ADGRF5: variants seen among roughly 807,000 people sequenced by gnomAD.
The protein encoded by ADGRF5 is adhesion G protein-coupled receptor F5.
In ADGRF5, 75 loss-of-function variants were observed where a neutral mutation model predicts 132.3. That is an observed-to-expected ratio of 0.57 (90% CI 0.47 to 0.69). ADGRF5 has a LOEUF of 0.69. Ranked by LOEUF, ADGRF5 falls within the 30% of genes least tolerant of loss-of-function variation. The pLI, the probability that ADGRF5 is intolerant of heterozygous loss-of-function variation, is 0.00. For missense variants in ADGRF5, 1,516 were observed against 1,630.6 expected, an observed-to-expected ratio of 0.93 and a Z score of 1.21; for synonymous variants, 629 against 597.6, an observed-to-expected ratio of 1.05 and a Z score of -0.77.
chr6:46,936,806 C>T (rs1272421104), intron 1 of ADGRF5, among the ~76,000 whole-genome samples: 1 of 152,152 alleles, frequency 6.6e-6, no homozygotes, highest in Non-Finnish European at 1.5e-5. Flanking sequence ...AGTGGGAGAT[C>T]CCAGCGGGAG....
intron 1 of ADGRF5, among the ~76,000 whole-genome samples, chr6:46,913,059 G>C (rs1581982877): frequency 6.6e-6 from 1 of 151,960 alleles, no homozygotes; most frequent in Non-Finnish European, 1.5e-5. Flanking sequence ...CTTTACCTAC[G>C]ACTGTCTTGA....
At chr6:46,869,287 G>A in intron 11 of ADGRF5, 195 bp from the exon 12 acceptor site, 1 of 1,427,696 alleles carries the variant, frequency 7.0e-7, no homozygotes, top group Non-Finnish European at 9.1e-7. Context: ...GGCTGTTCCT[G>A]GTGGTGCTCT....
intron 10 of ADGRF5, among the ~76,000 whole-genome samples, chr6:46,876,098 A>T (rs1771617430): frequency 6.6e-6 from 1 of 152,182 alleles, no homozygotes; most frequent in African/African-American, 2.4e-5. Flanking sequence ...ACAGACTTGG[A>T]AAAATGGTTG....
At chr6:46,929,115 G>A (rs1305427740) in intron 1 of ADGRF5, among the ~76,000 whole-genome samples, 6 of 152,040 alleles carry the variant, frequency 3.9e-5, no homozygotes, top group African/African-American at 1.4e-4. Context: ...ATGATAGACT[G>A]GATTAAGAAA....
At chr6:46,868,372 T>C (rs1424542787) in intron 12 of ADGRF5, among the ~76,000 whole-genome samples, 1 of 152,250 alleles carries the variant, frequency 6.6e-6, no homozygotes, top group Non-Finnish European at 1.5e-5. Flanking sequence ...ATCACATAGT[T>C]AAGGGCTCAA....
chr6:46,891,546 T>TGG (rs1235705863), intron 3 of ADGRF5, among the ~76,000 whole-genome samples: 5 of 150,894 alleles, frequency 3.3e-5, no homozygotes, highest in Admixed American at 2.6e-4. Flanking sequence ...GCCTTTTGGA[T>TGG]GGGTGAGGTC....
At chr6:46,947,670 G>A (rs1247943753) in intron 1 of ADGRF5, among the ~76,000 whole-genome samples, 2 of 152,192 alleles carry the variant, frequency 1.3e-5, no homozygotes, top group Non-Finnish European at 2.9e-5. Context: ...AAATTCCCAG[G>A]CCCCACTTCG....
chr6:46,925,435 G>C (rs947448127), upstream of ADGRF5, among the ~76,000 whole-genome samples: 1 of 152,132 alleles, frequency 6.6e-6, no homozygotes, highest in East Asian at 1.9e-4. Context: ...TTTTGCTGGA[G>C]TCTCCACCTT....
chr6:46,856,198 A>G (rs1769027912), intron 19 of ADGRF5, 140 bp from the exon 20 acceptor site: 8 of 604,840 alleles, frequency 1.3e-5, no homozygotes, highest in Non-Finnish European at 2.4e-5. Context: ...TCACATTAAA[A>G]TACTGGAATC....
In ADGRF5 at chr6:46,880,937, T is replaced by TA. The variant is rs540532869; in HGVS notation, c.814+517dup. 3.8e-3 allele frequency among the ~76,000 whole-genome samples: 550 copies of TA among 145,342 alleles called. 2 individuals are homozygous for TA. Among genetic ancestry groups the TA allele is most frequent in the Middle Eastern group, 0.018 (5 of 276 alleles). On this transcript the variant is annotated intron_variant, in intron 8 of 20. Coordinates refer to ENST00000283296, the MANE Select transcript of ADGRF5 (RefSeq NM_001098518.2). ...GAGGTCCCATCTCTACAAAAAATAATAAAAAAAAAAATGTTAGCTGAGTAT... is the reference window on the plus strand; with the variant it reads ...GAGGTCCCATCTCTACAAAAAATAATAAAAAAAAAAAATGTTAGCTGAGTAT...
intron 1 of ADGRF5, among the ~76,000 whole-genome samples, chr6:46,909,551 C>T (rs1212192930): frequency 1.3e-5 from 2 of 152,238 alleles, no homozygotes; most frequent in Non-Finnish European, 2.9e-5. Context: ...TCAAGATTCT[C>T]AGCAACACTG....
rs576872129 is a variant in ADGRF5, at chr6:46,854,261, C to A, written c.3962-190G>T. 1.4e-3 allele frequency among the ~76,000 whole-genome samples: 217 copies of A among 152,326 alleles called. 1 individual carries two copies. The highest frequency in any genetic ancestry group is 5.1e-3 in the African/African-American group (213 of 41,580). ...CCAGAAAACTAACAGAGCTGTCGTT[C>A]TCATGCATGCGTGGCAGCCAACAAG... On this transcript the variant is annotated intron_variant, in intron 20 of 20. Coordinates refer to ENST00000283296, the MANE Select transcript of ADGRF5 (RefSeq NM_001098518.2).
chr6:46,858,034 A>T, intron 17 of ADGRF5, 95 bp downstream of exon 17: 6 of 911,918 alleles, frequency 6.6e-6, no homozygotes, highest in Non-Finnish European at 1.0e-5. Context: ...TCTGGGCTGA[A>T]ATCCTTCCCC....
At chr6:46,950,400 T>C (rs2113846217) in intron 1 of ADGRF5, among the ~76,000 whole-genome samples, 1 of 152,340 alleles carries the variant, frequency 6.6e-6, no homozygotes, top group African/African-American at 2.4e-5. Flanking sequence ...CAAGATGTAC[T>C]TCTTACTTTA....
chr6:46,854,779 C>A lies in ADGRF5; in HGVS notation c.3962-708G>T, dbSNP rs556591110. The A allele has an allele frequency of 6.2e-6, 8 of 1,286,582 alleles. No individual in the cohort carries two copies. The East Asian group carries it at 3.9e-4, about 63-fold the overall frequency. 79.7% of individuals were successfully genotyped at this position (1,286,582 alleles called of 1,614,324 possible). A position where few individuals can be genotyped will look rare whatever the true frequency, so the allele number is the denominator to read the frequency against. On this transcript the variant is annotated intron_variant, in intron 20 of 20. Coordinates refer to ENST00000283296, the MANE Select transcript of ADGRF5 (RefSeq NM_001098518.2). Reference sequence around the variant, plus strand: ...TCATGGCCTGGGGGGATCTTAGGGGCTGCTGACAACATAAACCAAAGTTAC... The same window carrying A: ...TCATGGCCTGGGGGGATCTTAGGGGATGCTGACAACATAAACCAAAGTTAC...
chr6:46,888,335 C>T lies in ADGRF5; in HGVS notation c.328G>A (p.Val110Ile). The part of the protein sequence containing the change: ...TDILSINVTT[V>I]CRPAGNEIWC... ...CTGAAGCAATGGGTCTCTTACTCACCTGTTGTCACATTTATGCTCAAAATG... is the reference window on the plus strand; with the variant it reads ...CTGAAGCAATGGGTCTCTTACTCACTTGTTGTCACATTTATGCTCAAAATG... The change falls in exon 4 of 21, where the codon GTC becomes ATC. Residue 110 changes from valine (V) to isoleucine (I), a missense_variant and splice_region_variant. Around this residue, in one of 2 missense-constraint regions of ADGRF5, gnomAD observed 945 missense variants for 929.4 expected, o/e 1.02. Transcript: ENST00000283296. 1 of 1,600,562 alleles carries T rather than the reference C, an allele frequency of 6.2e-7. No homozygotes were observed. Among genetic ancestry groups the T allele is most frequent in the Non-Finnish European group, 8.6e-7 (1 of 1,167,694 alleles).
intron 1 of ADGRF5, among the ~76,000 whole-genome samples, chr6:46,911,934 A>C (rs2150908355): frequency 6.6e-6 from 1 of 152,284 alleles, no homozygotes; most frequent in South Asian, 2.1e-4. Flanking sequence ...GCTACCGAGA[A>C]CAGTAATCAT....
chr6:46,922,491 A>G (rs1777027473), upstream of ADGRF5, among the ~76,000 whole-genome samples: 1 of 152,220 alleles, frequency 6.6e-6, no homozygotes, highest in Admixed American at 6.5e-5. Flanking sequence ...ACCGCTCAAT[A>G]GCATGGATAT....
intron 17 of ADGRF5, 44 bp from the exon 18 acceptor site, chr6:46,856,952 C>A: frequency 6.9e-7 from 1 of 1,458,024 alleles, no homozygotes; most frequent in South Asian, 1.2e-5. Flanking sequence ...TAATTATAGT[C>A]TATTGTCCAG....
Sources: gnomAD v4.1 joint callset for allele counts (sites outside exome capture counted in the v4.1 genomes callset) on GRCh38, gnomAD v4.1.1 for gene constraint, gnomAD v4.1.1 regional missense constraint, MANE v1.5 for transcripts, NCBI Gene and HGNC (gene_info 2026-07-23, HGNC 2026-07-21) for gene names.